Variants in ANKRD42 observed in about 807,000 individuals in gnomAD.
ANKRD42 encodes the protein ankyrin repeat domain 42, also known as ankyrin repeat domain-containing protein 42.
In ANKRD42, 43 loss-of-function variants were observed where a neutral mutation model predicts 51.5. The observed-to-expected ratio is 0.83, with a 90% CI of 0.65 to 1.08. The LOEUF (loss-of-function observed/expected upper bound fraction) is 1.08. ANKRD42 is among the 50% of genes least tolerant of loss of function. The pLI is 0.00. For synonymous variants in ANKRD42, 203 were observed against 213.0 expected (o/e 0.95, Z 0.41); for missense variants, 608 against 629.3 (o/e 0.97, Z 0.36).
At chr11:83,255,720 A>T (rs554516410) in intron 11 of ANKRD42, 448 of 662,170 alleles carry the variant, frequency 6.8e-4, no homozygotes, top group Non-Finnish European at 9.9e-4. Flanking sequence ...TCCTAAAAGA[A>T]ATTTAATCAG....
chr11:83,220,124 G>T (rs1448980569), intron 5 of ANKRD42, among the ~76,000 whole-genome samples: 2 of 152,206 alleles, frequency 1.3e-5, no homozygotes, highest in African/African-American at 4.8e-5. Context: ...TCTCAACCAG[G>T]ATATCTGGGA....
intron 11 of ANKRD42, among the ~76,000 whole-genome samples, chr11:83,255,139 GA>G (rs1303289550): frequency 6.6e-6 from 1 of 152,212 alleles, no homozygotes; most frequent in Non-Finnish European, 1.5e-5. Flanking sequence ...GCTGTTCTTG[GA>G]GCCTCTGTGT....
intron 5 of ANKRD42, among the ~76,000 whole-genome samples, chr11:83,220,410 G>A (rs1341635310): frequency 6.6e-5 from 10 of 152,266 alleles, no homozygotes; most frequent in African/African-American, 1.9e-4. Flanking sequence ...TATTCACCAC[G>A]TGACGATCTA....
intron 8 of ANKRD42, among the ~76,000 whole-genome samples, chr11:83,237,221 A>T (rs777292012): frequency 1.3e-5 from 2 of 152,208 alleles, no homozygotes; most frequent in Non-Finnish European, 2.9e-5. Context: ...TATTAATTCT[A>T]ATCATTATAC....
chr11:83,214,336 A>G (rs764829182), intron 5 of ANKRD42: 154 of 691,370 alleles, frequency 2.2e-4, no homozygotes, highest in Non-Finnish European at 2.5e-4. Context: ...TATATTCCCA[A>G]TCCTCCTAGA....
At chr11:83,257,158 A>G, downstream of ANKRD42, 1 of 346,312 alleles carries the variant, frequency 2.9e-6, no homozygotes, top group Non-Finnish European at 5.7e-6. Context: ...CAGCAATCAA[A>G]TGCACTCTTG....
downstream of ANKRD42, chr11:83,262,039 A>C: frequency 1.0e-5 from 11 of 1,048,530 alleles, no homozygotes; most frequent in African/African-American, 1.7e-5. Context: ...GAATAATGTT[A>C]TCTTTAAGTG....
rs777891789 is a variant in ANKRD42, at chr11:83,236,442, A to G, written c.952A>G (p.Ile318Val). ...QGHIECLQWLIKMGADSNITN... is the reference protein window; with the variant it reads ...QGHIECLQWLVKMGADSNITN... ...CCACATAGAGTGTTTGCAGTGGTTA[A>G]TTAAAATGGGAGCAGACAGTAATAT... The change falls in exon 8 of 11, where the codon ATT becomes GTT. Residue 318 changes from isoleucine to valine, a missense_variant. Transcript: ENST00000533342. 7 of 1,612,206 alleles carry G rather than the reference A, an allele frequency of 4.3e-6. No homozygotes were observed. The highest frequency in any genetic ancestry group is 5.9e-6 in the Non-Finnish European group (7 of 1,179,430).
At chr11:83,209,225 G>T (rs1236900453) in intron 3 of ANKRD42, among the ~76,000 whole-genome samples, 1 of 152,192 alleles carries the variant, frequency 6.6e-6, no homozygotes, top group Non-Finnish European at 1.5e-5. Context: ...CATGAAAGAT[G>T]TGTCTTATAA....
rs1276861871 is a variant in ANKRD42, at chr11:83,248,823, C to T, written c.*619C>T. ...GGAAGCTATTGTTAACAATTTAGTA[C>T]ATACCATATTAGACAAAATTCTATT... On this transcript the variant is annotated 3_prime_UTR_variant, in exon 11 of 11. Transcript: ENST00000533342. The T allele has an allele frequency of 1.0e-6, 1 of 978,720 alleles. No individual in the cohort carries two copies. Among genetic ancestry groups the T allele is most frequent in the Non-Finnish European group, 1.2e-6 (1 of 823,918 alleles). 60.6% of individuals were successfully genotyped at this position (978,720 alleles called of 1,614,324 possible).
downstream of ANKRD42, chr11:83,260,698 C>G (rs1285350809): frequency 6.6e-6 from 1 of 152,124 alleles, no homozygotes; most frequent in African/African-American, 2.4e-5. Context: ...AAAATGTTTA[C>G]TTTCTGGTCT....
At chr11:83,223,216 C>T (rs1396324704) in intron 5 of ANKRD42, among the ~76,000 whole-genome samples, 1 of 152,202 alleles carries the variant, frequency 6.6e-6, no homozygotes, top group Non-Finnish European at 1.5e-5. Flanking sequence ...CGCCACTGCA[C>T]TCCAGCCTGT....
At chr11:83,214,339 C>G (rs1862444985) in intron 5 of ANKRD42, 4 of 710,870 alleles carry the variant, frequency 5.6e-6, no homozygotes, top group Non-Finnish European at 6.9e-6. Flanking sequence ...ATTCCCAATC[C>G]TCCTAGAACT....
At position 83,227,732 on chromosome 11, in the gene ANKRD42, T is replaced by C; in HGVS notation, c.788-15T>C. The C allele has an allele frequency of 6.3e-7, 1 of 1,596,350 alleles. No individual in the cohort carries two copies. The highest frequency in any genetic ancestry group is 8.5e-7 in the Non-Finnish European group (1 of 1,174,714). On this transcript the variant is annotated splice_polypyrimidine_tract_variant and intron_variant, in intron 6 of 10. Coordinates refer to ENST00000533342, the MANE Select transcript of ANKRD42 (RefSeq NM_001300975.2). ...CTCTTATGTTTATTGAAATGCTGAA[T>C]TTTTTTATTCATAGCTTTAGCATTT...
downstream of ANKRD42, chr11:83,259,321 C>T (rs529759902): frequency 6.6e-6 from 1 of 152,238 alleles, no homozygotes; most frequent in East Asian, 1.9e-4. Context: ...TTTACCTGAA[C>T]CCCAGAACCA....
Position 83,225,015 on chromosome 11 carries a change from G to A in ANKRD42, c.747G>A (p.Gln249=). The A allele has an allele frequency of 6.2e-7, 1 of 1,612,854 alleles. No individual in the cohort carries two copies. The highest frequency in any genetic ancestry group is 8.5e-7 in the Non-Finnish European group (1 of 1,179,240). The change falls in exon 6 of 11, where the codon CAG becomes CAA. Residue 249 remains glutamine, a synonymous_variant. Transcript: ENST00000533342. ...AGCAGAACATTTTACAGTTTATCCA[G>A]GGGGCTGAGTATGAAGGAAAAGACC... is the stretch of plus-strand genomic sequence containing the variant. ...FFKQNILQFI[Q]GAEYEGKDLE... is the part of the protein sequence containing the mutation.
At chr11:83,217,148 G>A (rs1211360111) in intron 5 of ANKRD42, among the ~76,000 whole-genome samples, 1 of 152,172 alleles carries the variant, frequency 6.6e-6, no homozygotes, top group Admixed American at 6.5e-5. Context: ...AGGCCCAAAG[G>A]CAAGTAATAG....
At chr11:83,234,913 T>TGGGCTGTA (rs1205900745) in intron 7 of ANKRD42, among the ~76,000 whole-genome samples, 1 of 152,198 alleles carries the variant, frequency 6.6e-6, no homozygotes, top group Non-Finnish European at 1.5e-5. Flanking sequence ...ACTTGCCACC[T>TGGGCTGTA]GGGCTGTAGG....
downstream of ANKRD42, among the ~76,000 whole-genome samples, chr11:83,250,874 C>A (rs1863662516): frequency 1.3e-5 from 2 of 152,148 alleles, no homozygotes; most frequent in Non-Finnish European, 2.9e-5. Context: ...ACTTTCACTG[C>A]TTCCCTAGTT....
Sources: allele counts gnomAD v4.1 joint callset (sites outside exome capture counted in the v4.1 genomes callset), GRCh38; gene constraint gnomAD v4.1.1; transcripts MANE v1.5; gene names NCBI Gene and HGNC (gene_info 2026-07-23, HGNC 2026-07-21).